FOXP1: variants seen among roughly 807,000 people sequenced by gnomAD.
FOXP1 encodes the protein forkhead box P1.
A neutral mutation model predicts 98.2 loss-of-function variants in FOXP1; 15 were observed. That is an observed-to-expected ratio of 0.15 (90% CI 0.10 to 0.24). The LOEUF is 0.24. FOXP1 is among the 10% of genes least tolerant of loss of function. FOXP1 has a pLI of 1.00. For missense variants in FOXP1, 633 were observed against 848.5 expected, an observed-to-expected ratio of 0.75 and a Z score of 3.15; for synonymous variants, 371 against 314.5, an observed-to-expected ratio of 1.18 and a Z score of -1.90.
intron 11 of FOXP1, among the ~76,000 whole-genome samples, chr3:71,031,247 A>G (rs897750822): frequency 2.6e-5 from 4 of 152,336 alleles, no homozygotes; most frequent in African/African-American, 7.2e-5. Flanking sequence ...AGCAATGGAG[A>G]GAAAGAGAGA....
chr3:71,029,039 G>A (rs755160763), intron 11 of FOXP1, among the ~76,000 whole-genome samples: 14 of 152,288 alleles, frequency 9.2e-5, no homozygotes, highest in South Asian at 2.1e-4. Flanking sequence ...ACCTCCTGCC[G>A]TGTGCCCTAA....
chr3:71,075,703 C>T (rs1020193219), intron 7 of FOXP1, among the ~76,000 whole-genome samples: 1 of 117,744 alleles, frequency 8.5e-6, no homozygotes, highest in Non-Finnish European at 1.7e-5. Context: ...CAAGGACCCA[C>T]TGGGTTTTTT....
At chr3:71,065,273 G>A (rs1366485409) in intron 7 of FOXP1, among the ~76,000 whole-genome samples, 1 of 152,074 alleles carries the variant, frequency 6.6e-6, no homozygotes, top group Non-Finnish European at 1.5e-5. Context: ...CGGGGCTGCC[G>A]GCGGGGCGGC....
intron 2 of FOXP1, among the ~76,000 whole-genome samples, chr3:71,558,564 A>T (rs1398717150): frequency 6.0e-5 from 9 of 149,632 alleles, no homozygotes; most frequent in Non-Finnish European, 1.2e-4. Context: ...GGGTGATCTC[A>T]GCTCACTGCA....
intron 3 of FOXP1, among the ~76,000 whole-genome samples, chr3:71,434,631 G>GTTGTGTGTGTGTGT (rs376887775): frequency 2.0e-4 from 29 of 142,266 alleles, no homozygotes; most frequent in African/African-American, 7.4e-4. Flanking sequence ...GAGGGGATGG[G>GTTGTGTGTGTGTGT]GTGTGTGTGT....
intron 3 of FOXP1, among the ~76,000 whole-genome samples, chr3:71,365,044 A>G (rs2107937847): frequency 6.6e-6 from 1 of 152,366 alleles, no homozygotes; most frequent in South Asian, 2.1e-4. Flanking sequence ...AATCACATGT[A>G]AACAAGTGGG....
chr3:71,250,659 G>GT (rs1489723735), intron 5 of FOXP1, among the ~76,000 whole-genome samples: 1 of 152,256 alleles, frequency 6.6e-6, no homozygotes, highest in Non-Finnish European at 1.5e-5. Context: ...GTTGGGCGCA[G>GT]TGGCTCACGC....
rs200355554 is a variant in FOXP1 at position 70,977,959 on chromosome 3, G to A, written c.1217C>T (p.Thr406Ile). The A allele has an allele frequency of 6.2e-7, 1 of 1,614,078 alleles. No homozygotes were observed. The highest frequency in any genetic ancestry group is 8.5e-7 in the Non-Finnish European group (1 of 1,180,036). The change falls in exon 15 of 21, where the codon ACT (threonine) becomes ATT (isoleucine). Residue 406 changes from threonine (T) to isoleucine (I), a missense_variant. Physicochemically the swap from Thr to Ile is moderately conservative, Grantham distance 89. Transcript: ENST00000649528. ...CAGGGGGGCGGTTGGGGTCGTTGGA[G>A]TATGAGGTAAGCTCTGTGGAGAAGC... ...SEASPQSLPH[T>I]PTTPTAPLTP...
chr3:71,473,291 T>A (rs147567806), intron 3 of FOXP1, among the ~76,000 whole-genome samples: 53 of 152,212 alleles, frequency 3.5e-4, no homozygotes, highest in African/African-American at 1.3e-3. Context: ...AAATTGTGGG[T>A]CAGCAAACAT....
chr3:71,455,153 C>T (rs1310741314), intron 3 of FOXP1, among the ~76,000 whole-genome samples: 1 of 152,070 alleles, frequency 6.6e-6, no homozygotes. Flanking sequence ...GTAACACATG[C>T]ATTCACACAT....
intron 3 of FOXP1, among the ~76,000 whole-genome samples, chr3:71,433,212 G>C (rs1171906807): frequency 1.3e-5 from 2 of 152,146 alleles, no homozygotes; most frequent in South Asian, 2.1e-4. Context: ...ATCATGTCAT[G>C]AACTATTGAC....
intron 6 of FOXP1, among the ~76,000 whole-genome samples, chr3:71,178,090 T>C (rs1256430469): frequency 6.6e-6 from 1 of 151,070 alleles, no homozygotes; most frequent in African/African-American, 2.4e-5. Flanking sequence ...TGCCTCGGCC[T>C]CCCAAAGTGC....
At chr3:70,993,383 G>A (rs776213458) in intron 13 of FOXP1, among the ~76,000 whole-genome samples, 6 of 152,168 alleles carry the variant, frequency 3.9e-5, no homozygotes, top group Non-Finnish European at 7.3e-5. Context: ...GCCCAGCTGG[G>A]CCACAATGAT....
chr3:71,159,783 T>A (rs2061041079), intron 6 of FOXP1, among the ~76,000 whole-genome samples: 1 of 152,284 alleles, frequency 6.6e-6, no homozygotes, highest in Non-Finnish European at 1.5e-5. Flanking sequence ...ACACAATGGG[T>A]TTATCAATGA....
chr3:70,976,609 C>T (rs907307836), intron 17 of FOXP1, among the ~76,000 whole-genome samples: 1 of 152,162 alleles, frequency 6.6e-6, no homozygotes, highest in Non-Finnish European at 1.5e-5. Context: ...GGCTGAAGAC[C>T]TAACGGCATG....
chr3:71,489,111 C>T (rs1438586668), intron 3 of FOXP1, among the ~76,000 whole-genome samples: 1 of 152,076 alleles, frequency 6.6e-6, no homozygotes, highest in Non-Finnish European at 1.5e-5. Flanking sequence ...CACCACCGCC[C>T]CACCCCAAAA....
intron 12 of FOXP1, among the ~76,000 whole-genome samples, chr3:71,010,414 T>C (rs1014919539): frequency 2.6e-5 from 4 of 152,158 alleles, no homozygotes; most frequent in Middle Eastern, 6.3e-3. Context: ...CTGGGAATAC[T>C]ACTACAATAC....
intron 5 of FOXP1, among the ~76,000 whole-genome samples, chr3:71,247,485 G>C (rs762949827): frequency 6.6e-6 from 1 of 152,188 alleles, no homozygotes; most frequent in African/African-American, 2.4e-5. Context: ...AAAGACCGGG[G>C]TATCATGACT....
rs1424781776 is a variant in FOXP1 at position 70,970,631 on chromosome 3, CG to C, written c.1722+104del. 1.6e-5 allele frequency: 16 copies of C among 1,003,486 alleles called. No individual in the cohort carries two copies. The African/African-American group carries it at 1.7e-4, about 11-fold the overall frequency. The allele number at this position is 1,003,486 out of a possible 1,614,324, so 62.2% of individuals were successfully genotyped here. ...TTGTGCACTTAAGAAAAAAGTTTAA[CG>C]GAATTAAAATTTAATATCTAATTAG... On this transcript the variant is annotated intron_variant, in intron 19 of 20. Coordinates refer to ENST00000649528, the MANE Select transcript of FOXP1 (RefSeq NM_001349338.3).
Sources: allele counts gnomAD v4.1 joint callset (sites outside exome capture counted in the v4.1 genomes callset), GRCh38; gene constraint gnomAD v4.1.1; transcripts MANE v1.5; gene names NCBI Gene and HGNC (gene_info 2026-07-23, HGNC 2026-07-21).